FAM241B: variants seen among roughly 807,000 people sequenced by gnomAD.
FAM241B encodes the protein family with sequence similarity 241 member B.
A neutral mutation model predicts 9.3 loss-of-function variants in FAM241B; 7 were observed. The observed-to-expected ratio is 0.75, with a 90% CI of 0.43 to 1.41. FAM241B has a LOEUF of 1.41. FAM241B is among the 40% of genes most tolerant of loss of function. The probability of loss-of-function intolerance (pLI) is 0.01; values close to 1 mark genes in which losing one functional copy is unlikely to be tolerated. For missense variants in FAM241B, 136 were observed against 159.6 expected (o/e 0.85, Z 0.80); for synonymous variants, 60 against 64.1 (o/e 0.94, Z 0.31).
At chr10:69,630,764 C>T in intron 1 of FAM241B, 1 of 928,844 alleles carries the variant, frequency 1.1e-6, no homozygotes, top group Non-Finnish European at 1.4e-6. Flanking sequence ...GGAGTGGAGC[C>T]TTTCGAGGGC....
rs144236141 is a variant in FAM241B, at chr10:69,632,890, A to T, written c.197A>T (p.Asp66Val). 9.0e-4 allele frequency: 1,457 copies of T among 1,614,064 alleles called. 5 individuals are homozygous for T. Among genetic ancestry groups the T allele is most frequent in the Non-Finnish European group, 9.8e-4 (1,158 of 1,179,986 alleles). The change falls in exon 4 of 4, where the codon GAC becomes GTC. Residue 66 changes from aspartate (D) to valine (V), a missense_variant. Transcript: ENST00000373279. ...RLGAAQSPFN[D>V]LNRQLVNMGF... ...GGTGCTGCTCAGTCCCCCTTCAATG[A>T]CCTCAACCGGCAGCTGGTGAACATG...
At chr10:69,630,869 T>A (rs1839806557) in intron 1 of FAM241B, among the ~76,000 whole-genome samples, 2 of 152,142 alleles carry the variant, frequency 1.3e-5, no homozygotes, top group Admixed American at 1.3e-4. Flanking sequence ...GAGGGACAGG[T>A]GAGGGGCGTG....
At chr10:69,630,621 A>G in intron 1 of FAM241B, 2 of 1,297,400 alleles carry the variant, frequency 1.5e-6, no homozygotes, top group Non-Finnish European at 2.0e-6. Context: ...AGGGCTCCTG[A>G]CCTTTTTCGG....
intron 1 of FAM241B, among the ~76,000 whole-genome samples, chr10:69,631,172 G>C (rs776796261): frequency 6.6e-6 from 1 of 152,224 alleles, no homozygotes; most frequent in South Asian, 2.1e-4. Flanking sequence ...TCTGCTGTCC[G>C]TAGGTGTGAT....
At chr10:69,632,681 G>A in intron 3 of FAM241B, 109 bp from the exon 4 acceptor site, 2 of 1,266,278 alleles carry the variant, frequency 1.6e-6, no homozygotes, top group South Asian at 1.4e-5. Context: ...AAAGGAGGGT[G>A]TGACCCTGGG....
At chr10:69,631,636 A>C in intron 2 of FAM241B, 73 bp from the exon 3 acceptor site, 1 of 1,554,334 alleles carries the variant, frequency 6.4e-7, no homozygotes, top group Non-Finnish European at 8.7e-7. Flanking sequence ...TAACAGCTAA[A>C]GGTTTTGTGG....
At position 69,633,203 on chromosome 10, in the gene FAM241B, T is replaced by G. The variant is rs1839862492; in HGVS notation, c.*144T>G. 8.1e-7 allele frequency: 1 copy of G among 1,238,780 alleles called. No homozygotes were observed. Among genetic ancestry groups the G allele is most frequent in the African/African-American group, 1.5e-5 (1 of 66,842 alleles). The allele number at this position is 1,238,780 out of a possible 1,614,324, so 76.7% of individuals were successfully genotyped here. A position where few individuals can be genotyped will look rare whatever the true frequency, so the allele number is the denominator to read the frequency against. On this transcript the variant is annotated 3_prime_UTR_variant, in exon 4 of 4. Coordinates refer to ENST00000373279, the MANE Select transcript of FAM241B (RefSeq NM_145306.3). ...ACAGGTGTGTGTTTCCCCTTTGTGTTAAGCGTGAGGCAGAGGGAGACGTTA... is the reference window on the plus strand; with the variant it reads ...ACAGGTGTGTGTTTCCCCTTTGTGTGAAGCGTGAGGCAGAGGGAGACGTTA...
Position 69,633,049 on chromosome 10 carries a change from G to A in FAM241B, c.356G>A (p.Ser119Asn). ...CTTGTCTACCTGGTGTCCCACCTGAGTCAGCGGTGACCTCTGAGGGCTGAT... is the reference window on the plus strand; with the variant it reads ...CTTGTCTACCTGGTGTCCCACCTGAATCAGCGGTGACCTCTGAGGGCTGAT... The part of the protein sequence containing the change: ...VGLVYLVSHL[S>N]QR The change falls in exon 4 of 4, where the codon AGT (serine) becomes AAT (asparagine). Residue 119 changes from serine to asparagine, a missense_variant. Physicochemically the swap from Ser to Asn is conservative, Grantham distance 46. Transcript: ENST00000373279. 6.2e-7 allele frequency: 1 copy of A among 1,614,182 alleles called. No individual in the cohort carries two copies. The highest frequency in any genetic ancestry group is 8.5e-7 in the Non-Finnish European group (1 of 1,180,036).
rs780667654 is a variant in FAM241B at position 69,631,776 on chromosome 10, G to T, written c.33G>T (p.Val11=). Residue 11 remains valine (V), a synonymous_variant, in exon 3 of 4, where the codon GTG becomes GTT. Coordinates refer to ENST00000373279, the MANE Select transcript of FAM241B (RefSeq NM_145306.3). The part of the protein sequence containing the change: MVRILANGEI[V]QDDDPRVRTT... The stretch of plus-strand genomic sequence containing the variant: ...GGATCTTGGCCAATGGGGAAATCGT[G>T]CAGGATGACGACCCCCGAGTGAGGA... 2 of 1,613,340 alleles carry T rather than the reference G, an allele frequency of 1.2e-6. No individual in the cohort carries two copies. The highest frequency in any genetic ancestry group is 1.6e-4 in the Middle Eastern group (1 of 6,062).
At position 69,633,157 on chromosome 10, in the gene FAM241B, G is replaced by T. The variant is rs184130654; in HGVS notation, c.*98G>T. The T allele has an allele frequency of 2.1e-4, 321 of 1,508,298 alleles. No individual in the cohort carries two copies. In the African/African-American group the frequency reaches 3.9e-3, roughly 19 times the overall value. The allele number at this position is 1,508,298 out of a possible 1,614,324, so 93.4% of individuals were successfully genotyped here. ...GGAGGGGATCTGGTGGTGCCTTGAA[G>T]GTATGATCAGAGAGGGGACCACAGG... On this transcript the variant is annotated 3_prime_UTR_variant, in exon 4 of 4. Transcript: ENST00000373279.
In FAM241B at chr10:69,633,133, G is replaced by C; in HGVS notation, c.*74G>C. 1 of 1,570,896 alleles carries C rather than the reference G, an allele frequency of 6.4e-7. No individual in the cohort carries two copies. Among genetic ancestry groups the C allele is most frequent in the Non-Finnish European group, 8.7e-7 (1 of 1,155,632 alleles). On this transcript the variant is annotated 3_prime_UTR_variant, in exon 4 of 4. Transcript: ENST00000373279. ...CTTGGTGTGAGAGCAGGCATATTTG[G>C]AGGGGATCTGGTGGTGCCTTGAAGG... is the stretch of plus-strand genomic sequence containing the variant.
At chr10:69,630,559 C>G in intron 1 of FAM241B, 1 of 1,115,622 alleles carries the variant, frequency 9.0e-7, no homozygotes, top group Non-Finnish European at 1.2e-6. Context: ...GGCCAGCGGG[C>G]TTCAGGAGGG....
Position 69,633,018 on chromosome 10 carries a change from G to A in FAM241B, c.325G>A (p.Val109Ile). 1 of 1,614,216 alleles carries A rather than the reference G, an allele frequency of 6.2e-7. No homozygotes were observed. Among genetic ancestry groups the A allele is most frequent in the Non-Finnish European group, 8.5e-7 (1 of 1,180,048 alleles). ...MMLGVRGLLL[V>I]GLVYLVSHLS... is the part of the protein sequence containing the mutation. The stretch of plus-strand genomic sequence containing the variant: ...GCTTGGTGTTCGTGGCCTCCTCCTG[G>A]TTGGCCTTGTCTACCTGGTGTCCCA... Residue 109 changes from valine (V) to isoleucine (I), a missense_variant, in exon 4 of 4, where the codon GTT (valine) becomes ATT (isoleucine). By Grantham distance (29) the Val-to-Ile change is conservative (BLOSUM62 3). Coordinates refer to ENST00000373279, the MANE Select transcript of FAM241B (RefSeq NM_145306.3).
rs137919986 is a variant in FAM241B, at chr10:69,633,390, T to C, written c.*331T>C. 103 of 362,338 alleles carry C rather than the reference T, an allele frequency of 2.8e-4. No homozygotes were observed. The highest frequency in any genetic ancestry group is 2.0e-3 in the African/African-American group (98 of 48,550). 22.4% of individuals were successfully genotyped at this position (362,338 alleles called of 1,614,324 possible). On this transcript the variant is annotated 3_prime_UTR_variant, in exon 4 of 4. Coordinates refer to ENST00000373279, the MANE Select transcript of FAM241B (RefSeq NM_145306.3). ...AGAAGATCTCAGCTGGATGCCAACATGTTCCGATGCCTGTGGAAGACATGC... is the reference window on the plus strand; with the variant it reads ...AGAAGATCTCAGCTGGATGCCAACACGTTCCGATGCCTGTGGAAGACATGC...
In FAM241B at chr10:69,631,726, C is replaced by T. The variant is rs774343219; in HGVS notation, c.-18C>T. 5 of 1,610,446 alleles carry T rather than the reference C, an allele frequency of 3.1e-6. No individual in the cohort carries two copies. The Admixed American group carries it at 8.4e-5, about 27-fold the overall frequency. ...CAATGCAGGTGCAGCCCATCAGGGA[C>T]CCACAGCGCCTGGGAGGATGGTGCG... is the stretch of plus-strand genomic sequence containing the variant. On this transcript the variant is annotated 5_prime_UTR_variant, in exon 3 of 4. Transcript: ENST00000373279.
At chr10:69,631,868 C>A in intron 3 of FAM241B, 29 bp downstream of exon 3, 1 of 1,589,158 alleles carries the variant, frequency 6.3e-7, no homozygotes, top group Admixed American at 1.8e-5. Flanking sequence ...TGGAGTGGGA[C>A]AGATGGCCTC....
intron 1 of FAM241B, among the ~76,000 whole-genome samples, chr10:69,631,050 A>C (rs190576425): frequency 6.6e-6 from 1 of 152,228 alleles, no homozygotes; most frequent in African/African-American, 2.4e-5. Flanking sequence ...CACTCGACCC[A>C]TTTTTTAGTG....
chr10:69,633,390 T>A lies in FAM241B; in HGVS notation c.*331T>A, dbSNP rs137919986. 6.1e-4 allele frequency: 222 copies of A among 362,216 alleles called. 1 individual carries two copies. The highest frequency in any genetic ancestry group is 2.3e-4 in the Non-Finnish European group (45 of 197,030). 22.4% of individuals were successfully genotyped at this position (362,216 alleles called of 1,614,324 possible). A position where few individuals can be genotyped will look rare whatever the true frequency, so the allele number is the denominator to read the frequency against. On this transcript the variant is annotated 3_prime_UTR_variant, in exon 4 of 4. Transcript: ENST00000373279. ...AGAAGATCTCAGCTGGATGCCAACA[T>A]GTTCCGATGCCTGTGGAAGACATGC...
chr10:69,630,758 T>C, intron 1 of FAM241B: 1 of 1,025,316 alleles, frequency 9.8e-7, no homozygotes, highest in South Asian at 1.7e-5. Context: ...GTCCGCGGAG[T>C]GGAGCCTTTC....
Sources: allele counts gnomAD v4.1 joint callset (sites outside exome capture counted in the v4.1 genomes callset), GRCh38; gene constraint gnomAD v4.1.1; transcripts MANE v1.5; gene names NCBI Gene and HGNC (gene_info 2026-07-23, HGNC 2026-07-21).